PLXNA4: variants seen among roughly 807,000 people sequenced by gnomAD.
PLXNA4 encodes the protein plexin-A4.
PLXNA4 carries 44 observed loss-of-function variants against 191.8 expected under a neutral mutation model. The observed-to-expected ratio is 0.23, with a 90% CI of 0.18 to 0.29. The LOEUF (loss-of-function observed/expected upper bound fraction) is 0.29. Among genes scored for constraint, PLXNA4 ranks in the 10% least tolerant of loss-of-function variants. The pLI is 1.00. For missense variants in PLXNA4, 1,800 were observed against 2,488.8 expected, an observed-to-expected ratio of 0.72 and a Z score of 5.89; for synonymous variants, 1,082 against 1,009.5, an observed-to-expected ratio of 1.07 and a Z score of -1.36.
At chr7:132,430,348 A>C (rs1354050928) in intron 3 of PLXNA4, among the ~76,000 whole-genome samples, 1 of 152,132 alleles carries the variant, frequency 6.6e-6, no homozygotes, top group East Asian at 1.9e-4. Context: ...CACACAGGAG[A>C]AGCTCAGGAA....
intron 9 of PLXNA4, among the ~76,000 whole-genome samples, chr7:132,219,071 G>C (rs571228275): frequency 6.6e-6 from 1 of 152,166 alleles, no homozygotes; most frequent in Non-Finnish European, 1.5e-5. Context: ...AGATGGTGCC[G>C]GGTAGATGAA....
chr7:132,554,147 ACACT>A (rs1401689068), intron 1 of PLXNA4, among the ~76,000 whole-genome samples: 2 of 152,240 alleles, frequency 1.3e-5, no homozygotes, highest in Non-Finnish European at 2.9e-5. Flanking sequence ...ATCAGGACAC[ACACT>A]CAAGCAATGG....
intron 23 of PLXNA4, among the ~76,000 whole-genome samples, chr7:132,164,699 G>A (rs1427606043): frequency 6.6e-6 from 1 of 152,210 alleles, no homozygotes. Context: ...TGGAAGCTGA[G>A]CCTCTTCCAC....
At chr7:132,253,237 T>C (rs867234447) in intron 4 of PLXNA4, among the ~76,000 whole-genome samples, 5,064 of 136,208 alleles carry the variant, frequency 0.037, 93 homozygotes, top group Middle Eastern at 0.055. Flanking sequence ...TTTTTCTTTT[T>C]TTTTTTTTTT....
At chr7:132,189,714 G>A (rs1268843560) in intron 14 of PLXNA4, among the ~76,000 whole-genome samples, 4 of 152,250 alleles carry the variant, frequency 2.6e-5, no homozygotes, top group South Asian at 4.2e-4. Flanking sequence ...AAGGCCATGA[G>A]GGCTCGGAGA....
intron 3 of PLXNA4, among the ~76,000 whole-genome samples, chr7:132,390,248 T>G (rs1236739270): frequency 6.6e-6 from 1 of 152,132 alleles, no homozygotes; most frequent in Non-Finnish European, 1.5e-5. Flanking sequence ...TAAAAAAGGA[T>G]GAGTTCCTAT....
At chr7:132,303,598 A>G (rs1801398001) in intron 3 of PLXNA4, among the ~76,000 whole-genome samples, 1 of 152,176 alleles carries the variant, frequency 6.6e-6, no homozygotes, top group Admixed American at 6.5e-5. Flanking sequence ...AACCAATCAC[A>G]GGTCACGAAG....
chr7:132,212,642 C>A (rs12707028), intron 9 of PLXNA4, among the ~76,000 whole-genome samples: 40,353 of 151,926 alleles, frequency 0.27, 7,115 homozygotes, highest in East Asian at 0.59. Context: ...ATCATCCAAC[C>A]AGAAAAGAGG....
chr7:132,512,798 G>A (rs1798779937), intron 1 of PLXNA4, among the ~76,000 whole-genome samples: 2 of 152,126 alleles, frequency 1.3e-5, no homozygotes, highest in Admixed American at 6.6e-5. Flanking sequence ...GTCAATTCTT[G>A]TAAGCGGTAA....
intron 21 of PLXNA4, among the ~76,000 whole-genome samples, chr7:132,170,320 A>C (rs771910039): frequency 1.3e-5 from 2 of 152,214 alleles, no homozygotes; most frequent in Non-Finnish European, 1.5e-5. Context: ...GGAGCTTCAC[A>C]AAGCCCCAAG....
intron 2 of PLXNA4, among the ~76,000 whole-genome samples, chr7:132,635,635 T>C (rs928397848): frequency 7.9e-5 from 12 of 152,152 alleles, no homozygotes; most frequent in Non-Finnish European, 1.3e-4. Context: ...GGACGGGCTC[T>C]TTCTGACCCC....
chr7:132,307,933 G>A (rs549230119), intron 3 of PLXNA4, among the ~76,000 whole-genome samples: 30 of 152,182 alleles, frequency 2.0e-4, no homozygotes, highest in Non-Finnish European at 3.7e-4. Context: ...CAGGACAATC[G>A]GTCCCTTTGG....
At chr7:132,568,598 G>A (rs1457850187) in intron 1 of PLXNA4, among the ~76,000 whole-genome samples, 1 of 152,136 alleles carries the variant, frequency 6.6e-6, no homozygotes, top group African/African-American at 2.4e-5. Context: ...ATTCTGAACT[G>A]CAGCCATTTT....
At chr7:132,162,394 C>T (rs1401042581) in intron 24 of PLXNA4, among the ~76,000 whole-genome samples, 1 of 152,220 alleles carries the variant, frequency 6.6e-6, no homozygotes, top group Non-Finnish European at 1.5e-5. Context: ...AATTTCCTCA[C>T]ATTCTCTTTA....
chr7:132,392,651 G>A (rs913554792), intron 3 of PLXNA4, among the ~76,000 whole-genome samples: 1 of 152,204 alleles, frequency 6.6e-6, no homozygotes, highest in Non-Finnish European at 1.5e-5. Flanking sequence ...TGAGCATCGC[G>A]CATTGCTGTA....
At chr7:132,186,562 T>C (rs1796884683) in intron 15 of PLXNA4, among the ~76,000 whole-genome samples, 1 of 152,280 alleles carries the variant, frequency 6.6e-6, no homozygotes, top group East Asian at 1.9e-4. Flanking sequence ...GTCCACTTTG[T>C]TAGGCAGGAG....
Position 132,357,513 on chromosome 7 carries a change from C to T in PLXNA4, c.1372-59291G>A, listed in dbSNP as rs182102098. Among the ~76,000 whole-genome samples, 25 of 152,218 alleles carry T rather than the reference C, an allele frequency of 1.6e-4. No homozygotes were observed. In the East Asian group the frequency reaches 3.3e-3, roughly 20 times the overall value. ...TAGTGCAATAGTTTGGTCCTGAATC[C>T]GTGTTCAGTTTGGAATCTTAAGAGA... On this transcript the variant is annotated intron_variant, in intron 3 of 31. Transcript: ENST00000321063.
At chr7:132,203,534 G>T in intron 10 of PLXNA4, 115 bp from the exon 11 acceptor site, 1 of 864,274 alleles carries the variant, frequency 1.2e-6, no homozygotes, top group Non-Finnish European at 1.9e-6. Flanking sequence ...GACTGGCCAA[G>T]ACTGTGCTTG....
chr7:132,585,716 C>T (rs1802494397), intron 2 of PLXNA4, among the ~76,000 whole-genome samples: 2 of 152,144 alleles, frequency 1.3e-5, no homozygotes, highest in African/African-American at 2.4e-5. Context: ...TGGCTCCTTT[C>T]CTGTTTATGT....
Sources: allele counts gnomAD v4.1 joint callset (sites outside exome capture counted in the v4.1 genomes callset), GRCh38; gene constraint gnomAD v4.1.1; transcripts MANE v1.5; gene names NCBI Gene and HGNC (gene_info 2026-07-23, HGNC 2026-07-21).